Variants in KLHL3 observed in about 807,000 individuals in gnomAD.
KLHL3 encodes the protein kelch-like protein 3.
Under a neutral mutation model 70.5 loss-of-function variants are expected in KLHL3, and 19 were observed. The observed-to-expected ratio is 0.27, with a 90% CI of 0.19 to 0.40. The LOEUF (loss-of-function observed/expected upper bound fraction) is 0.40. Ranked by LOEUF, KLHL3 falls within the 10% of genes least tolerant of loss-of-function variation. The pLI is 1.00. For missense variants in KLHL3, 512 were observed against 771.1 expected (o/e 0.66, Z 3.98); for synonymous variants, 258 against 290.3 (o/e 0.89, Z 1.13).
At chr5:137,704,181 C>G (rs774996043) in intron 3 of KLHL3, among the ~76,000 whole-genome samples, 1 of 151,980 alleles carries the variant, frequency 6.6e-6, no homozygotes, top group East Asian at 1.9e-4. Context: ...GTCAGGAGAT[C>G]GAGACCATCC....
intron 2 of KLHL3, among the ~76,000 whole-genome samples, chr5:137,712,116 G>T (rs1164849920): frequency 1.5e-5 from 2 of 134,150 alleles, no homozygotes; most frequent in Non-Finnish European, 3.0e-5. Context: ...CCAAGATCAT[G>T]CCACTACACT....
At chr5:137,665,929 GT>G (rs1398557656) in intron 6 of KLHL3, among the ~76,000 whole-genome samples, 1 of 152,140 alleles carries the variant, frequency 6.6e-6, no homozygotes, top group African/African-American at 2.4e-5. Flanking sequence ...TGTATGTATA[GT>G]TTGCTCCTAT....
chr5:137,692,264 A>T lies in KLHL3; in HGVS notation c.526+21T>A, dbSNP rs2301710. 0.78 allele frequency: 1,241,121 copies of T among 1,600,446 alleles called. 482,798 individuals are homozygous for T. The highest frequency in any genetic ancestry group is 0.97 in the East Asian group (43,327 of 44,446). On this transcript the variant is annotated intron_variant, in intron 5 of 14. Coordinates refer to ENST00000309755, the MANE Select transcript of KLHL3 (RefSeq NM_017415.3). ...AGATCCACAAACTCGGAGGAGGTGC[A>T]GCAGTCCGGCTCCCCCTTACCTGCG...
chr5:137,692,819 TACACACACACACACACAC>T (rs3045645), intron 4 of KLHL3: 6 of 168,174 alleles, frequency 3.6e-5, no homozygotes, highest in South Asian at 1.4e-4. Context: ...AACAAAACTC[TACACACACACACACACAC>T]ACACACACAC....
Position 137,621,902 on chromosome 5 carries a change from C to T in KLHL3, c.*196G>A, listed in dbSNP as rs1750317700. 6 of 635,580 alleles carry T rather than the reference C, an allele frequency of 9.4e-6. No individual in the cohort carries two copies. Among genetic ancestry groups the T allele is most frequent in the Non-Finnish European group, 1.7e-5 (6 of 349,720 alleles). 39.4% of individuals were successfully genotyped at this position (635,580 alleles called of 1,614,324 possible). On this transcript the variant is annotated 3_prime_UTR_variant, in exon 15 of 15. Transcript: ENST00000309755. ...CCCTTGCTCAGGGCATAGGCCAGAG[C>T]ACCTCAGGGGAACGGGGGTGGGTAA...
chr5:137,728,177 G>A (rs1162903149), intron 1 of KLHL3, among the ~76,000 whole-genome samples: 3 of 152,072 alleles, frequency 2.0e-5, no homozygotes, highest in Non-Finnish European at 4.4e-5. Flanking sequence ...AACTGGCTCC[G>A]AAAATTCCTG....
intron 1 of KLHL3, among the ~76,000 whole-genome samples, chr5:137,730,465 T>C (rs1440399426): frequency 6.6e-6 from 1 of 152,202 alleles, no homozygotes; most frequent in African/African-American, 2.4e-5. Context: ...GTTTCCACAC[T>C]GGGGCCTTCA....
chr5:137,677,079 G>A (rs563436671), intron 6 of KLHL3, among the ~76,000 whole-genome samples: 1 of 152,120 alleles, frequency 6.6e-6, no homozygotes, highest in East Asian at 1.9e-4. Context: ...TAGCAGTCAT[G>A]AGCCAGAAAG....
At chr5:137,692,917 A>C (rs1752358614) in intron 4 of KLHL3, among the ~76,000 whole-genome samples, 1 of 151,990 alleles carries the variant, frequency 6.6e-6, no homozygotes, top group South Asian at 2.1e-4. Context: ...ACTGATGTCT[A>C]GGTCTTGCCC....
At chr5:137,652,825 C>CA (rs544126242) in intron 8 of KLHL3, among the ~76,000 whole-genome samples, 1 of 151,638 alleles carries the variant, frequency 6.6e-6, no homozygotes, top group African/African-American at 2.4e-5. Context: ...GTTCTTACCA[C>CA]AAAAAAATAA....
intron 6 of KLHL3, among the ~76,000 whole-genome samples, chr5:137,670,983 AAAAC>A (rs941878608): frequency 2.0e-5 from 3 of 151,606 alleles, no homozygotes; most frequent in African/African-American, 4.8e-5. Context: ...AAAAAAAAAA[AAAAC>A]AACAACAAAA....
At chr5:137,678,197 G>A (rs1473951426) in intron 5 of KLHL3, among the ~76,000 whole-genome samples, 1 of 152,060 alleles carries the variant, frequency 6.6e-6, no homozygotes, top group Admixed American at 6.6e-5. Flanking sequence ...TCATGAGGAG[G>A]CCCAACTAAG....
chr5:137,639,726 A>AAT lies in KLHL3; in HGVS notation c.1021+133_1021+134insAT. ...CGACAACAACCAAAAAAAAAAAAAA[A>AAT]GTGTGCAGGAGGGAAACGAATGGGA... On this transcript the variant is annotated intron_variant, in intron 9 of 14. Coordinates refer to ENST00000309755, the MANE Select transcript of KLHL3 (RefSeq NM_017415.3). This position sits in a 1 kb window ranked among gnomAD's most constrained non-coding sequence, Gnocchi z 5.0. 1 of 624,410 alleles carries AAT rather than the reference A, an allele frequency of 1.6e-6. No homozygotes were observed. Among genetic ancestry groups the AAT allele is most frequent in the Non-Finnish European group, 2.8e-6 (1 of 360,332 alleles). The allele number at this position is 624,410 out of a possible 1,614,324, so 38.7% of individuals were successfully genotyped here. A position where few individuals can be genotyped will look rare whatever the true frequency, so the allele number is the denominator to read the frequency against.
chr5:137,669,975 C>A (rs1233394967), intron 6 of KLHL3, among the ~76,000 whole-genome samples: 1 of 152,080 alleles, frequency 6.6e-6, no homozygotes, highest in East Asian at 1.9e-4. Flanking sequence ...CTCCTGTGGA[C>A]AGATTTGCCC....
intron 3 of KLHL3, among the ~76,000 whole-genome samples, chr5:137,698,937 G>A (rs1162910186): frequency 6.6e-6 from 1 of 152,166 alleles, no homozygotes; most frequent in African/African-American, 2.4e-5. Flanking sequence ...CAACAACCTT[G>A]AGGTTTATTA....
At chr5:137,709,888 T>G (rs1365259009) in intron 2 of KLHL3, 32 bp from the exon 3 acceptor site, 1 of 1,567,610 alleles carries the variant, frequency 6.4e-7, no homozygotes, top group Non-Finnish European at 8.8e-7. Context: ...ACAGGATGGG[T>G]TGCAGCAAGG....
intron 2 of KLHL3, among the ~76,000 whole-genome samples, chr5:137,711,658 C>T (rs1335832890): frequency 6.6e-6 from 1 of 152,132 alleles, no homozygotes; most frequent in Non-Finnish European, 1.5e-5. Flanking sequence ...ACAGAACTGG[C>T]TCTTCCCCTA....
intron 11 of KLHL3, among the ~76,000 whole-genome samples, chr5:137,634,549 A>G (rs796763516): frequency 2.7e-4 from 41 of 152,380 alleles, no homozygotes; most frequent in African/African-American, 7.9e-4. Flanking sequence ...CCCCAGCTAT[A>G]GGCAGGCAGA....
chr5:137,694,396 A>G (rs921664237), intron 4 of KLHL3, among the ~76,000 whole-genome samples: 1 of 152,202 alleles, frequency 6.6e-6, no homozygotes, highest in Non-Finnish European at 1.5e-5. Context: ...TGGACTATAA[A>G]TGAACACAGC....
Sources: gnomAD v4.1 joint callset for allele counts (sites outside exome capture counted in the v4.1 genomes callset) on GRCh38, gnomAD v4.1.1 for gene constraint, Gnocchi (gnomAD v3.1) non-coding constraint, MANE v1.5 for transcripts, NCBI Gene and HGNC (gene_info 2026-07-23, HGNC 2026-07-21) for gene names.